STK32A: variants seen among roughly 807,000 people sequenced by gnomAD.
STK32A encodes the protein serine/threonine kinase 32A.
STK32A carries 41 observed loss-of-function variants against 53.2 expected under a neutral mutation model. That is an observed-to-expected ratio of 0.77 (90% CI 0.60 to 1.00). The LOEUF is 1.00. Ranked by LOEUF, STK32A falls within the 50% of genes least tolerant of loss-of-function variation. The probability of loss-of-function intolerance (pLI) is 0.00; values close to 1 mark genes in which losing one functional copy is unlikely to be tolerated. For missense variants in STK32A, 458 were observed against 485.8 expected (o/e 0.94, Z 0.54); for synonymous variants, 166 against 162.8 (o/e 1.02, Z -0.15).
chr5:147,312,922 A>G (rs1297295407), intron 4 of STK32A, among the ~76,000 whole-genome samples: 2 of 152,162 alleles, frequency 1.3e-5, no homozygotes, highest in African/African-American at 2.4e-5. Context: ...TGCCCAGAAT[A>G]CAAGAAGGCA....
chr5:147,317,143 CA>C (rs58355621), intron 4 of STK32A, among the ~76,000 whole-genome samples: 73,409 of 130,694 alleles, frequency 0.56, 19,910 homozygotes, highest in African/African-American at 0.63. Flanking sequence ...ATAGTTTTGC[CA>C]AAAAAAAAAA....
intron 2 of STK32A, among the ~76,000 whole-genome samples, chr5:147,250,344 A>C (rs1753933007): frequency 6.6e-6 from 1 of 152,126 alleles, no homozygotes; most frequent in African/African-American, 2.4e-5. Context: ...TTCTACGGGG[A>C]TGGCTAAGTC....
chr5:147,259,591 C>T (rs36088388), intron 2 of STK32A, among the ~76,000 whole-genome samples: 35,357 of 151,746 alleles, frequency 0.23, 4,625 homozygotes, highest in Admixed American at 0.33. Context: ...ATGTGCACAA[C>T]GTGCAGGTTT....
intron 4 of STK32A, among the ~76,000 whole-genome samples, chr5:147,313,877 G>T (rs1753825177): frequency 6.6e-6 from 1 of 152,084 alleles, no homozygotes; most frequent in South Asian, 2.1e-4. Context: ...AAATGTAAAA[G>T]AATGAAATTG....
chr5:147,360,742 G>C (rs1756468701), intron 7 of STK32A, among the ~76,000 whole-genome samples: 1 of 152,234 alleles, frequency 6.6e-6, no homozygotes, highest in African/African-American at 2.4e-5. Flanking sequence ...ATGGTGGTGA[G>C]CATGCAGAAG....
At chr5:147,374,813 G>A (rs1054614907) in intron 10 of STK32A, among the ~76,000 whole-genome samples, 8 of 152,038 alleles carry the variant, frequency 5.3e-5, no homozygotes, top group Admixed American at 4.6e-4. Context: ...GCGCACTTTC[G>A]GAAACATAAC....
At chr5:147,330,204 G>A (rs1754798800) in intron 5 of STK32A, among the ~76,000 whole-genome samples, 1 of 152,204 alleles carries the variant, frequency 6.6e-6, no homozygotes, top group African/African-American at 2.4e-5. Flanking sequence ...GCTGAACTGG[G>A]CAAGAATCCA....
At chr5:147,318,782 A>C (rs1198264219) in intron 4 of STK32A, among the ~76,000 whole-genome samples, 1 of 151,878 alleles carries the variant, frequency 6.6e-6, no homozygotes. Flanking sequence ...TCTCAAAAAA[A>C]AAAAAAAAAA....
intron 5 of STK32A, among the ~76,000 whole-genome samples, chr5:147,335,825 G>C (rs114659331): frequency 6.6e-6 from 1 of 152,206 alleles, no homozygotes; most frequent in Non-Finnish European, 1.5e-5. Context: ...ATGCGTGCGC[G>C]TGTGTGCGCG....
chr5:147,320,743 T>C (rs762498010), intron 4 of STK32A, among the ~76,000 whole-genome samples: 1 of 152,160 alleles, frequency 6.6e-6, no homozygotes, highest in Non-Finnish European at 1.5e-5. Flanking sequence ...TATAACCAGG[T>C]ACTGGACAGC....
chr5:147,314,506 ACAAAAAAAAACAAAAAAAAAC>A (rs775811020), intron 4 of STK32A, among the ~76,000 whole-genome samples: 2,395 of 50,004 alleles, frequency 0.048, 276 homozygotes, highest in East Asian at 0.36. Flanking sequence ...ATCAAAAAAA[ACAAAAAAAAACAAAAAAAAAC>A]AAAAAAAAAA....
At chr5:147,381,286 CT>C (rs1561760186) in intron 11 of STK32A, among the ~76,000 whole-genome samples, 1 of 152,134 alleles carries the variant, frequency 6.6e-6, no homozygotes, top group Non-Finnish European at 1.5e-5. Context: ...TTATGATGTA[CT>C]TGACAAATTT....
In STK32A at chr5:147,361,564, G is replaced by T. The variant is rs1756503875; in HGVS notation, c.610G>T (p.Val204Phe). ...AAAAGGAGCAGGCTATTCCTTTGCT[G>T]TTGACTGGTGGTCCCTGGGAGTGAC... ...SRKGAGYSFA[V>F]DWWSLGVTAY... is the part of the protein sequence containing the mutation. The change falls in exon 8 of 13, where the codon GTT becomes TTT. Residue 204 changes from valine to phenylalanine, a missense_variant. Physicochemically the swap from Val to Phe is conservative, Grantham distance 50. Transcript: ENST00000397936. 4 of 1,613,436 alleles carry T rather than the reference G, an allele frequency of 2.5e-6. No homozygotes were observed. Among genetic ancestry groups the T allele is most frequent in the African/African-American group, 1.3e-5 (1 of 74,914 alleles).
chr5:147,381,640 C>T (rs1415814061), intron 11 of STK32A, among the ~76,000 whole-genome samples: 1 of 129,938 alleles, frequency 7.7e-6, no homozygotes, highest in African/African-American at 3.3e-5. Context: ...AAAAGTCTGT[C>T]AGAAAAAAAA....
intron 8 of STK32A, among the ~76,000 whole-genome samples, chr5:147,367,032 G>C (rs1172868388): frequency 6.6e-6 from 1 of 151,598 alleles, no homozygotes; most frequent in Non-Finnish European, 1.5e-5. Flanking sequence ...GGTAAAGTAT[G>C]TATCTTATAT....
At chr5:147,390,316 C>T (rs763696323), downstream of STK32A, among the ~76,000 whole-genome samples, 7 of 152,062 alleles carry the variant, frequency 4.6e-5, no homozygotes, top group Non-Finnish European at 1.0e-4. Context: ...GCAGATATAG[C>T]AAATAATGCT....
In STK32A at chr5:147,375,165, A is replaced by C; in HGVS notation, c.979A>C (p.Lys327Gln). The C allele has an allele frequency of 6.2e-7, 1 of 1,610,786 alleles. No individual in the cohort carries two copies. The change falls in exon 11 of 13, where the codon AAA (lysine) becomes CAA (glutamine). Residue 327 changes from lysine (K) to glutamine (Q), a missense_variant. Physicochemically the swap from Lys to Gln is moderately conservative, Grantham distance 53. Coordinates refer to ENST00000397936, the MANE Select transcript of STK32A (RefSeq NM_001112724.2). ...ILESKPLHKK[K>Q]KRLAKKEKDM... ...GGAGTCCAAACCTCTACATAAGAAAAAAAAGCGTCTGGCAAAGAAGGAGAA... is the reference window on the plus strand; with the variant it reads ...GGAGTCCAAACCTCTACATAAGAAACAAAAGCGTCTGGCAAAGAAGGAGAA...
intron 2 of STK32A, among the ~76,000 whole-genome samples, chr5:147,257,064 C>A (rs901143164): frequency 6.6e-6 from 1 of 152,062 alleles, no homozygotes; most frequent in Non-Finnish European, 1.5e-5. Context: ...GAGATAATAA[C>A]CTGTAGAGAA....
At chr5:147,241,243 C>A (rs1042859392) in intron 2 of STK32A, among the ~76,000 whole-genome samples, 1 of 152,204 alleles carries the variant, frequency 6.6e-6, no homozygotes, top group African/African-American at 2.4e-5. Flanking sequence ...CTTTGGGAGG[C>A]CGAGGCGGGC....
Sources: allele counts gnomAD v4.1 joint callset (sites outside exome capture counted in the v4.1 genomes callset), GRCh38; gene constraint gnomAD v4.1.1; transcripts MANE v1.5; gene names NCBI Gene and HGNC (gene_info 2026-07-23, HGNC 2026-07-21).